The following PRKN variants were observed in gnomAD, a reference collection of about 807,000 sequenced individuals.
PRKN encodes E3 ubiquitin-protein ligase parkin.
A neutral mutation model predicts 59.5 loss-of-function variants in PRKN; 56 were observed. The ratio of observed to expected loss-of-function variants is 0.94; its 90% CI spans 0.76 to 1.18. The LOEUF (loss-of-function observed/expected upper bound fraction) is 1.18. Among genes scored for constraint, PRKN ranks in the 50% most tolerant of loss-of-function variants. The probability of loss-of-function intolerance (pLI) is 0.00; values close to 1 mark genes in which losing one functional copy is unlikely to be tolerated. For synonymous variants in PRKN, 250 were observed against 222.1 expected (o/e 1.13, Z -1.12); for missense variants, 657 against 596.4 (o/e 1.10, Z -1.06).
intron 2 of PRKN, among the ~76,000 whole-genome samples, chr6:162,439,416 T>C (rs1789945426): frequency 6.6e-6 from 1 of 151,646 alleles, no homozygotes; most frequent in South Asian, 2.1e-4. Flanking sequence ...TTTTTGTCTA[T>C]ATATGTTGAC....
intron 5 of PRKN, among the ~76,000 whole-genome samples, chr6:162,034,172 TA>T (rs1783748579): frequency 8.4e-6 from 1 of 118,966 alleles, no homozygotes; most frequent in Non-Finnish European, 1.7e-5. Context: ...CACATACATA[TA>T]TATATATATA....
chr6:162,191,989 A>C (rs73594261), intron 4 of PRKN, among the ~76,000 whole-genome samples: 3,530 of 152,310 alleles, frequency 0.023, 120 homozygotes, highest in African/African-American at 0.078. Context: ...CCAAGTTTTT[A>C]AACATGATAC....
At position 161,471,090 on chromosome 6, in the gene PRKN, G is replaced by A. The variant is rs180697652; in HGVS notation, c.1083+77764C>T. On this transcript the variant is annotated intron_variant, in intron 9 of 11. Coordinates refer to ENST00000366898, the MANE Select transcript of PRKN (RefSeq NM_004562.3). This position sits in a 1 kb window ranked among gnomAD's most constrained non-coding sequence, Gnocchi z 4.5. ...TTAGAATTTTTAAACATTGAGATGA[G>A]GGCCATGTGAACCCACACTTGTCTT... is the stretch of plus-strand genomic sequence containing the variant. 2.0e-5 allele frequency among the ~76,000 whole-genome samples: 3 copies of A among 152,260 alleles called. No individual in the cohort carries two copies. Among genetic ancestry groups the A allele is most frequent in the Admixed American group, 2.0e-4 (3 of 15,294 alleles).
chr6:162,715,654 C>G (rs1237294503), intron 1 of PRKN, among the ~76,000 whole-genome samples: 1 of 152,176 alleles, frequency 6.6e-6, no homozygotes, highest in Admixed American at 6.5e-5. Flanking sequence ...GAGTTCCTAG[C>G]ATTAAGATTG....
chr6:162,472,222 T>C (rs1191058426), intron 1 of PRKN, among the ~76,000 whole-genome samples: 2 of 151,420 alleles, frequency 1.3e-5, no homozygotes, highest in Non-Finnish European at 2.9e-5. Context: ...TTTTTTTATA[T>C]ACTTTAAGTT....
At chr6:161,981,065 G>A (rs1190438815) in intron 5 of PRKN, among the ~76,000 whole-genome samples, 2 of 152,234 alleles carry the variant, frequency 1.3e-5, no homozygotes, top group Non-Finnish European at 2.9e-5. Flanking sequence ...ATACAGGGCT[G>A]TGGTTACTGC....
chr6:161,960,428 A>T (rs1290632506), intron 6 of PRKN, among the ~76,000 whole-genome samples: 4 of 152,226 alleles, frequency 2.6e-5, no homozygotes, highest in Non-Finnish European at 5.9e-5. Flanking sequence ...AGGCAGAAGC[A>T]GAAACTTCTT....
At chr6:162,665,568 T>C (rs1369909147) in intron 1 of PRKN, among the ~76,000 whole-genome samples, 3 of 152,146 alleles carry the variant, frequency 2.0e-5, no homozygotes, top group East Asian at 1.9e-4. Context: ...TCTACCCTCA[T>C]GGATAGGAAC....
intron 5 of PRKN, among the ~76,000 whole-genome samples, chr6:162,000,705 G>A (rs886494902): frequency 4.6e-5 from 7 of 151,878 alleles, no homozygotes; most frequent in Middle Eastern, 3.4e-3. Context: ...ACTTGGTATC[G>A]TATCTAAAAA....
At chr6:162,017,793 C>A (rs1782983835) in intron 5 of PRKN, among the ~76,000 whole-genome samples, 1 of 152,130 alleles carries the variant, frequency 6.6e-6, no homozygotes, top group Non-Finnish European at 1.5e-5. Flanking sequence ...AAATTTCATA[C>A]TTAACCTTTT....
At chr6:162,040,573 T>C (rs1471050257) in intron 5 of PRKN, among the ~76,000 whole-genome samples, 8 of 9,426 alleles carry the variant, frequency 8.5e-4, no homozygotes, top group African/African-American at 1.3e-3. Flanking sequence ...TGCCCGGCTA[T>C]TTTTTTTTTT....
intron 7 of PRKN, among the ~76,000 whole-genome samples, chr6:161,639,717 G>C (rs1783667060): frequency 6.6e-6 from 1 of 152,172 alleles, no homozygotes; most frequent in African/African-American, 2.4e-5. Context: ...GTGTATCTTT[G>C]CCACATTCTC....
At chr6:161,596,425 C>T (rs939945719) in intron 7 of PRKN, among the ~76,000 whole-genome samples, 2 of 152,146 alleles carry the variant, frequency 1.3e-5, no homozygotes, top group Admixed American at 1.3e-4. Context: ...TATAGGAAAA[C>T]AACTATTTAA....
chr6:162,653,835 A>G (rs35754151), intron 1 of PRKN, among the ~76,000 whole-genome samples: 12,036 of 152,248 alleles, frequency 0.079, 676 homozygotes, highest in Middle Eastern at 0.18. Context: ...ACAGATTAAG[A>G]ATTACAGTGT....
At chr6:162,622,790 T>C (rs1051053684) in intron 1 of PRKN, among the ~76,000 whole-genome samples, 2 of 152,176 alleles carry the variant, frequency 1.3e-5, no homozygotes, top group African/African-American at 2.4e-5. Flanking sequence ...GTGGGTTTCA[T>C]GAGCGGAAAA....
chr6:162,598,370 G>T (rs900421885), intron 1 of PRKN, among the ~76,000 whole-genome samples: 4 of 151,918 alleles, frequency 2.6e-5, no homozygotes, highest in African/African-American at 9.7e-5. Context: ...TTGATCTGAG[G>T]GTCTAGTACA....
Position 161,386,757 on chromosome 6 carries a change from G to A in PRKN, c.1167+37C>T. The A allele has an allele frequency of 6.7e-7, 1 of 1,490,666 alleles. No homozygotes were observed. Among genetic ancestry groups the A allele is most frequent in the Non-Finnish European group, 9.4e-7 (1 of 1,067,576 alleles). 92.3% of individuals were successfully genotyped at this position (1,490,666 alleles called of 1,614,324 possible). A position where few individuals can be genotyped will look rare whatever the true frequency, so the allele number is the denominator to read the frequency against. ...CGGCTCCAGTCCCCCACTGTATCCG[G>A]AGCCCTGCTTGGAGGAATGAGTAGG... On this transcript the variant is annotated intron_variant, in intron 10 of 11. Coordinates refer to ENST00000366898, the MANE Select transcript of PRKN (RefSeq NM_004562.3). The surrounding 1 kb of genome is among the most constrained non-coding windows in gnomAD (Gnocchi z 4.3).
At chr6:161,571,973 G>A (rs1321744335) in intron 7 of PRKN, among the ~76,000 whole-genome samples, 1 of 152,154 alleles carries the variant, frequency 6.6e-6, no homozygotes, top group African/African-American at 2.4e-5. Flanking sequence ...CAAACCTGCT[G>A]CCCCTAGTTG....
chr6:162,556,386 T>TGC (rs1779596314), intron 1 of PRKN, among the ~76,000 whole-genome samples: 1 of 116,766 alleles, frequency 8.6e-6, no homozygotes, highest in African/African-American at 2.8e-5. Flanking sequence ...TGTGTGTGTG[T>TGC]GTGTGTGTGT....
Sources: gnomAD v4.1 joint callset for allele counts (sites outside exome capture counted in the v4.1 genomes callset) on GRCh38, gnomAD v4.1.1 for gene constraint, Gnocchi (gnomAD v3.1) non-coding constraint, MANE v1.5 for transcripts, NCBI Gene and HGNC (gene_info 2026-07-23, HGNC 2026-07-21) for gene names.